PDE1C: variants seen among roughly 807,000 people sequenced by gnomAD.
PDE1C encodes phosphodiesterase 1C, also known as dual specificity calcium/calmodulin-dependent 3',5'-cyclic nucleotide phosphodiesterase 1C.
PDE1C carries 62 observed loss-of-function variants against 93.1 expected under a neutral mutation model. The observed-to-expected ratio is 0.67, with a 90% CI of 0.54 to 0.82. The LOEUF is 0.82. PDE1C is among the 40% of genes least tolerant of loss of function. The pLI, the probability that PDE1C is intolerant of heterozygous loss-of-function variation, is 0.00. For synonymous variants in PDE1C, 325 were observed against 310.1 expected (o/e 1.05, Z -0.50); for missense variants, 742 against 884.6 (o/e 0.84, Z 2.04).
At chr7:32,412,410 C>T (rs1429535802) in intron 1 of PDE1C, among the ~76,000 whole-genome samples, 1 of 148,674 alleles carries the variant, frequency 6.7e-6, no homozygotes, top group Non-Finnish European at 1.5e-5. Flanking sequence ...AAGCGGAGAT[C>T]ACACCACTGC....
intron 2 of PDE1C, among the ~76,000 whole-genome samples, chr7:31,958,935 C>T (rs888631403): frequency 3.3e-5 from 5 of 152,152 alleles, no homozygotes; most frequent in Non-Finnish European, 5.9e-5. Flanking sequence ...GAACTTTCTA[C>T]AGCTTTCTAC....
the PDE1C span, among the ~76,000 whole-genome samples, chr7:31,706,416 AAAAG>A: frequency 9.2e-5 from 14 of 152,234 alleles, no homozygotes; most frequent in Admixed American, 2.6e-4. Flanking sequence ...AAAATTTCAT[AAAAG>A]AAAGGATATT....
chr7:32,181,649 A>G, intron 2 of PDE1C, among the ~76,000 whole-genome samples: 1 of 152,124 alleles, frequency 6.6e-6, no homozygotes, highest in Non-Finnish European at 1.5e-5. Flanking sequence ...CATTCAAAGC[A>G]GTGTGTAGAG....
chr7:31,671,422 T>G, the PDE1C span, among the ~76,000 whole-genome samples: 1 of 152,182 alleles, frequency 6.6e-6, no homozygotes, highest in Non-Finnish European at 1.5e-5. Flanking sequence ...AGTTCCCACC[T>G]GCAAAGGGGT....
the PDE1C span, among the ~76,000 whole-genome samples, chr7:31,696,474 T>C: frequency 1.3e-5 from 2 of 152,330 alleles, no homozygotes; most frequent in East Asian, 1.9e-4. Flanking sequence ...TTTAGAGAGT[T>C]ACTCAATAAT....
chr7:32,237,541 T>C (rs1311174903), intron 1 of PDE1C, among the ~76,000 whole-genome samples: 1 of 151,462 alleles, frequency 6.6e-6, no homozygotes, highest in African/African-American at 2.4e-5. Flanking sequence ...TACTGAACTG[T>C]ATGCCAAAAA....
intron 2 of PDE1C, among the ~76,000 whole-genome samples, chr7:31,978,631 C>T (rs190981499): frequency 4.6e-5 from 7 of 152,294 alleles, no homozygotes; most frequent in Admixed American, 1.3e-4. Flanking sequence ...CTTGCCAAGA[C>T]CTTCACAGCA....
the PDE1C span, among the ~76,000 whole-genome samples, chr7:31,702,646 T>C: frequency 1.1e-4 from 16 of 152,244 alleles, no homozygotes; most frequent in African/African-American, 3.9e-4. Flanking sequence ...TTCTTCTTGT[T>C]GCCTGTATTG....
In PDE1C at chr7:31,850,721, C is replaced by T. The variant is rs372174098; in HGVS notation, c.771G>A (p.Glu257=). The T allele has an allele frequency of 2.5e-6, 4 of 1,612,698 alleles. No homozygotes were observed. In the African/African-American group the frequency reaches 5.3e-5, roughly 22 times the overall value. Residue 257 remains glutamate, a synonymous_variant, in exon 8 of 18, where the codon GAG becomes GAA. Coordinates refer to ENST00000396191, the MANE Select transcript of PDE1C (RefSeq NM_001191057.4). ...TGVANWLTEL[E]IFAIIFSAAI... ...CAGCTGAGAAGATTATAGCAAAGAT[C>T]TCCAGCTCCGTCAGCCAGTTCTGAA...
chr7:31,677,214 A>C, the PDE1C span, among the ~76,000 whole-genome samples: 1 of 152,260 alleles, frequency 6.6e-6, no homozygotes, highest in African/African-American at 2.4e-5. Flanking sequence ...TTTTGTGGAG[A>C]ATTTTACCAA....
intron 1 of PDE1C, among the ~76,000 whole-genome samples, chr7:32,399,581 CTT>C (rs34748013): frequency 9.4e-5 from 11 of 117,528 alleles, no homozygotes; most frequent in East Asian, 2.4e-4. Context: ...CTTCATTTAA[CTT>C]TTTTTTTTTT....
chr7:31,898,020 TTGTGTGTGTGTGTG>T (rs140101637), intron 2 of PDE1C, among the ~76,000 whole-genome samples: 62,505 of 145,880 alleles, frequency 0.43, 14,717 homozygotes, highest in Non-Finnish European at 0.54. Flanking sequence ...TTTGGTTTCT[TTGTGTGTGTGTGTG>T]TGTGTGTGTG....
chr7:31,900,550 A>G (rs1450988169), intron 2 of PDE1C, among the ~76,000 whole-genome samples: 2 of 151,804 alleles, frequency 1.3e-5, no homozygotes, highest in African/African-American at 2.4e-5. Context: ...ATGACTATCA[A>G]TTAATAAATA....
intron 3 of PDE1C, among the ~76,000 whole-genome samples, chr7:32,148,183 C>T (rs1420603611): frequency 2.6e-5 from 4 of 152,032 alleles, no homozygotes; most frequent in African/African-American, 7.2e-5. Flanking sequence ...ATGAATCACA[C>T]ATCTTTTTAT....
At chr7:32,407,465 T>C (rs965644578) in intron 1 of PDE1C, among the ~76,000 whole-genome samples, 5 of 152,138 alleles carry the variant, frequency 3.3e-5, no homozygotes, top group Non-Finnish European at 5.9e-5. Context: ...CATGTTTGCC[T>C]TCCCCCATGA....
intron 1 of PDE1C, among the ~76,000 whole-genome samples, chr7:32,362,200 T>C (rs1784149214): frequency 6.6e-6 from 1 of 152,120 alleles, no homozygotes; most frequent in Non-Finnish European, 1.5e-5. Context: ...AGGATGTGTG[T>C]AATGCCTCAG....
At position 31,815,621 on chromosome 7, in the gene PDE1C, G is replaced by A. The variant is rs1562851996; in HGVS notation, c.1813+303C>T. Among the ~76,000 whole-genome samples the A allele has an allele frequency of 6.6e-5, 10 of 151,106 alleles. No individual in the cohort carries two copies. In the South Asian group the frequency reaches 2.1e-3, roughly 32 times the overall value. Reference sequence around the variant, plus strand: ...ATTTACCCACTTTACACTCAGGAATGTGCTGGGGTTGATCATGGTAATTTT... The same window carrying A: ...ATTTACCCACTTTACACTCAGGAATATGCTGGGGTTGATCATGGTAATTTT... On this transcript the variant is annotated intron_variant, in intron 15 of 17. Transcript: ENST00000396191.
the PDE1C span, chr7:31,695,555 G>T: frequency 6.2e-7 from 1 of 1,613,876 alleles, no homozygotes; most frequent in Non-Finnish European, 8.5e-7. Context: ...CCTGAATGTT[G>T]AGTCAGACCA....
At chr7:32,172,774 A>G (rs1293781519) in intron 2 of PDE1C, among the ~76,000 whole-genome samples, 1 of 146,192 alleles carries the variant, frequency 6.8e-6, no homozygotes, top group Non-Finnish European at 1.5e-5. Context: ...GTGAGCCGAG[A>G]TGGTGCCATT....
Sources: gnomAD v4.1 joint callset for allele counts (sites outside exome capture counted in the v4.1 genomes callset) on GRCh38, gnomAD v4.1.1 for gene constraint, MANE v1.5 for transcripts, NCBI Gene and HGNC (gene_info 2026-07-23, HGNC 2026-07-21) for gene names.